MRPS6: variants seen among roughly 807,000 people sequenced by gnomAD.
MRPS6 encodes mitochondrial ribosomal protein S6, also known as small ribosomal subunit protein bS6m.
In MRPS6, 6 loss-of-function variants were observed where a neutral mutation model predicts 13.1. The observed-to-expected ratio is 0.46, with a 90% CI of 0.25 to 0.91. The LOEUF (loss-of-function observed/expected upper bound fraction) is 0.91, where lower values mean the gene tolerates loss of function less well. Among genes scored for constraint, MRPS6 ranks in the 40% least tolerant of loss-of-function variants. The pLI is 0.18. For missense variants in MRPS6, 164 were observed against 155.6 expected, an observed-to-expected ratio of 1.05 and a Z score of -0.29; for synonymous variants, 61 against 56.5, an observed-to-expected ratio of 1.08 and a Z score of -0.36.
At chr21:34,092,015 A>G (rs1248946427) in intron 1 of MRPS6, among the ~76,000 whole-genome samples, 1 of 152,168 alleles carries the variant, frequency 6.6e-6, no homozygotes, top group South Asian at 2.1e-4. Flanking sequence ...AAAAAGCCTC[A>G]TGTTAGCTGA....
At chr21:34,113,474 C>T (rs563290700) in intron 1 of MRPS6, among the ~76,000 whole-genome samples, 1 of 152,194 alleles carries the variant, frequency 6.6e-6, no homozygotes, top group African/African-American at 2.4e-5. Flanking sequence ...AGAAAGACAA[C>T]ATATGATTTC....
intron 1 of MRPS6, among the ~76,000 whole-genome samples, chr21:34,108,088 C>A (rs1372650551): frequency 6.6e-6 from 1 of 152,148 alleles, no homozygotes; most frequent in Non-Finnish European, 1.5e-5. Context: ...GCCTAGTGAT[C>A]TTGTAACGTA....
intron 1 of MRPS6, among the ~76,000 whole-genome samples, chr21:34,106,455 G>A (rs1979479669): frequency 6.6e-6 from 1 of 152,062 alleles, no homozygotes; most frequent in African/African-American, 2.4e-5. Flanking sequence ...ACTGAGAATA[G>A]GATTATGTGT....
chr21:34,087,663 A>C (rs1168318391), intron 1 of MRPS6, among the ~76,000 whole-genome samples: 2 of 152,238 alleles, frequency 1.3e-5, no homozygotes, highest in Admixed American at 6.5e-5. Context: ...CTGGGGTTAC[A>C]AAGTGTTGCC....
chr21:34,097,696 G>A (rs1979033957), intron 1 of MRPS6: 1 of 1,020,400 alleles, frequency 9.8e-7, no homozygotes, highest in Admixed American at 5.7e-5. Context: ...GCACTGCCAA[G>A]TCTTGGCAGA....
At chr21:34,078,051 G>C (rs1989374907) in intron 1 of MRPS6, among the ~76,000 whole-genome samples, 1 of 152,140 alleles carries the variant, frequency 6.6e-6, no homozygotes, top group African/African-American at 2.4e-5. Flanking sequence ...AGTTTGCTTG[G>C]CAAGCATTTG....
chr21:34,107,240 C>T (rs1979517269), intron 1 of MRPS6, among the ~76,000 whole-genome samples: 1 of 152,204 alleles, frequency 6.6e-6, no homozygotes, highest in African/African-American at 2.4e-5. Context: ...CCGGTATTGA[C>T]ATTTTTAAAG....
chr21:34,093,875 C>T (rs767770455), intron 1 of MRPS6, among the ~76,000 whole-genome samples: 12 of 152,116 alleles, frequency 7.9e-5, no homozygotes, highest in Non-Finnish European at 1.6e-4. Context: ...GAAGATTTAT[C>T]TAATGGTCCA....
chr21:34,079,602 ATTTTTTTTTT>A (rs398036389), intron 1 of MRPS6, among the ~76,000 whole-genome samples: 2 of 43,660 alleles, frequency 4.6e-5, no homozygotes, highest in African/African-American at 8.5e-5. Context: ...GACCCAGCTA[ATTTTTTTTTT>A]TTTTTTTTTT....
chr21:34,073,744 G>A lies in MRPS6; in HGVS notation c.44G>A (p.Arg15Gln), dbSNP rs549847334. 2.0e-6 allele frequency: 3 copies of A among 1,525,644 alleles called. No homozygotes were observed. The highest frequency in any genetic ancestry group is 1.8e-6 in the Non-Finnish European group (2 of 1,131,762). 94.5% of individuals were successfully genotyped at this position (1,525,644 alleles called of 1,614,324 possible). ...GCTTTAATCCTGAAAGCCATGCAGC[G>A]GGTAAGTGACCTTCCCTCAGAGCCG... ...ELALILKAMQ[R>Q]PETAATLKRT... Residue 15 changes from arginine to glutamine, a missense_variant and splice_region_variant, in exon 1 of 3, where the codon CGG (arginine) becomes CAG (glutamine). By Grantham distance (43) the Arg-to-Gln change is conservative (BLOSUM62 1). Coordinates refer to ENST00000399312, the MANE Select transcript of MRPS6 (RefSeq NM_032476.4).
chr21:34,105,105 C>T, intron 1 of MRPS6: 1 of 999,980 alleles, frequency 1.0e-6, no homozygotes. Flanking sequence ...TTTAATAATG[C>T]CATACTCCAT....
chr21:34,082,218 A>C (rs1179970973), intron 1 of MRPS6, among the ~76,000 whole-genome samples: 2 of 152,156 alleles, frequency 1.3e-5, no homozygotes. Context: ...GACAAAGCCC[A>C]CCTTGTTAAT....
chr21:34,081,647 A>C (rs1989461654), intron 1 of MRPS6, among the ~76,000 whole-genome samples: 2 of 152,180 alleles, frequency 1.3e-5, no homozygotes, highest in Admixed American at 1.3e-4. Flanking sequence ...CTGGATCCTC[A>C]GTTCCTTCTT....
chr21:34,076,935 G>C (rs1267073924), intron 1 of MRPS6, among the ~76,000 whole-genome samples: 1 of 152,214 alleles, frequency 6.6e-6, no homozygotes, highest in Non-Finnish European at 1.5e-5. Context: ...GGACATAGCC[G>C]CAAAGGAGAG....
intron 1 of MRPS6, among the ~76,000 whole-genome samples, chr21:34,085,462 A>G (rs1978329632): frequency 6.6e-6 from 1 of 152,206 alleles, no homozygotes; most frequent in Admixed American, 6.5e-5. Context: ...CAAACTTGAG[A>G]CTGAATATTT....
chr21:34,086,209 GGTTTTGTTTT>G (rs528305689), intron 1 of MRPS6, among the ~76,000 whole-genome samples: 3 of 152,202 alleles, frequency 2.0e-5, no homozygotes, highest in South Asian at 2.1e-4. Context: ...ATTAGATTCA[GGTTTTGTTTT>G]GTTTTGTTTT....
intron 1 of MRPS6, chr21:34,097,311 G>A: frequency 6.2e-7 from 1 of 1,610,204 alleles, no homozygotes; most frequent in African/African-American, 1.3e-5. Context: ...ACTTTTTGCT[G>A]TGTGTTCACT....
chr21:34,116,449 A>G (rs1979912724), intron 1 of MRPS6, among the ~76,000 whole-genome samples: 1 of 151,650 alleles, frequency 6.6e-6, no homozygotes, highest in South Asian at 2.1e-4. Flanking sequence ...TACTTATTCA[A>G]TCAGTGGAAA....
chr21:34,102,507 A>C lies in MRPS6; in HGVS notation c.46-22834A>C, dbSNP rs537111748. ...TATATAGTCTTTCACTCAGAAATAA[A>C]CAAAAACTGTTTGGTATATCTGTAT... On this transcript the variant is annotated intron_variant, in intron 1 of 2. Coordinates refer to ENST00000399312, the MANE Select transcript of MRPS6 (RefSeq NM_032476.4). 2.0e-5 allele frequency: 20 copies of C among 1,000,180 alleles called. No homozygotes were observed. In the Admixed American group the frequency reaches 1.2e-3, roughly 61 times the overall value. The allele number at this position is 1,000,180 out of a possible 1,614,324, so 62.0% of individuals were successfully genotyped here.
Sources: allele counts gnomAD v4.1 joint callset (sites outside exome capture counted in the v4.1 genomes callset), GRCh38; gene constraint gnomAD v4.1.1; transcripts MANE v1.5; gene names NCBI Gene and HGNC (gene_info 2026-07-23, HGNC 2026-07-21).